The following UGDH variants were observed in gnomAD, a reference collection of about 807,000 sequenced individuals.
The protein encoded by UGDH is UDP-glucose 6-dehydrogenase, also known as UDP-Glc dehydrogenase.
Under a neutral mutation model 50.6 loss-of-function variants are expected in UGDH, and 38 were observed. That is an observed-to-expected ratio of 0.75 (90% CI 0.58 to 0.98). The LOEUF is 0.98. Ranked by LOEUF, UGDH falls within the 50% of genes least tolerant of loss-of-function variation. The pLI is 0.00. For missense variants in UGDH, 465 were observed against 606.2 expected (o/e 0.77, Z 2.45); for synonymous variants, 168 against 199.9 (o/e 0.84, Z 1.35).
chr4:39,504,579 T>G, intron 9 of UGDH, 71 bp from the exon 10 acceptor site: 1 of 1,323,988 alleles, frequency 7.6e-7, no homozygotes, highest in Admixed American at 2.0e-5. Context: ...AGTTCCCCCC[T>G]TATCTGCAGG....
At chr4:39,514,031 T>G in intron 3 of UGDH, 52 bp downstream of exon 3, 2 of 1,428,212 alleles carry the variant, frequency 1.4e-6, no homozygotes, top group East Asian at 2.3e-5. Flanking sequence ...TGATGAAACT[T>G]TTATATAGAC....
intron 1 of UGDH, among the ~76,000 whole-genome samples, chr4:39,525,608 G>A (rs1369770439): frequency 1.3e-5 from 2 of 150,822 alleles, no homozygotes; most frequent in East Asian, 3.9e-4. Context: ...CCAGGTTCAT[G>A]CCATTCTCCT....
In UGDH at chr4:39,505,377, G is replaced by GA. The variant is rs33942301; in HGVS notation, c.1038-8dup. ...ATATATACTAGAAGATTCTCTATAG[G>GA]AAAAAAAAAATCAGTATTGGTAAGC... On this transcript the variant is annotated splice_polypyrimidine_tract_variant and splice_region_variant and intron_variant, in intron 8 of 11. Coordinates refer to ENST00000316423, the MANE Select transcript of UGDH (RefSeq NM_003359.4). The GA allele has an allele frequency of 7.0e-3, 10,041 of 1,432,578 alleles. 16 individuals carry two copies. The highest frequency in any genetic ancestry group is 7.7e-3 in the Non-Finnish European group (8,292 of 1,073,722). The allele number at this position is 1,432,578 out of a possible 1,614,324, so 88.7% of individuals were successfully genotyped here. A position where few individuals can be genotyped will look rare whatever the true frequency, so the allele number is the denominator to read the frequency against.
chr4:39,521,226 G>C lies in UGDH; in HGVS notation c.162+125C>G, dbSNP rs888770582. 5 of 1,013,452 alleles carry C rather than the reference G, an allele frequency of 4.9e-6. No individual in the cohort carries two copies. In the South Asian group the frequency reaches 8.8e-5, roughly 18 times the overall value. 62.8% of individuals were successfully genotyped at this position (1,013,452 alleles called of 1,614,324 possible). ...TTAATGTCCATGTGTTTTGTATCCAGATTTTTTTCATTTAATTTCTTACCA... is the reference window on the plus strand; with the variant it reads ...TTAATGTCCATGTGTTTTGTATCCACATTTTTTTCATTTAATTTCTTACCA... On this transcript the variant is annotated intron_variant, in intron 2 of 11. Transcript: ENST00000316423.
At chr4:39,514,257 T>C (rs1028154104) in intron 2 of UGDH, 73 bp from the exon 3 acceptor site, 1 of 1,165,194 alleles carries the variant, frequency 8.6e-7, no homozygotes, top group African/African-American at 1.6e-5. Flanking sequence ...AGTATAGAAT[T>C]ACATTTGTTA....
intron 10 of UGDH, among the ~76,000 whole-genome samples, 153 bp downstream of exon 10, chr4:39,504,264 C>T (rs1205871023): frequency 5.9e-5 from 9 of 151,576 alleles, no homozygotes; most frequent in Non-Finnish European, 1.0e-4. Flanking sequence ...GCCGAGATTG[C>T]GCCACTGCAC....
intron 2 of UGDH, among the ~76,000 whole-genome samples, chr4:39,516,892 TCTC>T (rs1746458299): frequency 6.6e-6 from 1 of 152,138 alleles, no homozygotes; most frequent in Non-Finnish European, 1.5e-5. Flanking sequence ...CTGTGTATAA[TCTC>T]CTAATATTTA....
At chr4:39,514,618 A>T (rs1423003610) in intron 2 of UGDH, among the ~76,000 whole-genome samples, 1 of 151,934 alleles carries the variant, frequency 6.6e-6, no homozygotes, top group Non-Finnish European at 1.5e-5. Flanking sequence ...CAATCCTCCC[A>T]TCTCAGCTTC....
At chr4:39,508,957 T>G (rs1746129077) in intron 6 of UGDH, among the ~76,000 whole-genome samples, 2 of 145,462 alleles carry the variant, frequency 1.4e-5, no homozygotes, top group Admixed American at 7.1e-5. Flanking sequence ...TGCCCCACAT[T>G]CTTTAGCACA....
At position 39,508,633 on chromosome 4, in the gene UGDH, TC is replaced by T. The variant is rs1464916880; in HGVS notation, c.838del (p.Asp280MetfsTer3). 1 of 1,603,100 alleles carries T rather than the reference TC, an allele frequency of 6.2e-7. No homozygotes were observed. The highest frequency in any genetic ancestry group is 8.5e-7 in the Non-Finnish European group (1 of 1,177,114). ...ACAGAGATAAACCAAATTCAGAACATCCTTTTGGAAACAGCTCCCACCAAAC... is the reference window on the plus strand; with the variant it reads ...ACAGAGATAAACCAAATTCAGAACATCTTTTGGAAACAGCTCCCACCAAAC... ...VGFGGSCFQK[D>X]VLNLVYLCEA... On this transcript the variant is annotated frameshift_variant, in exon 7 of 12. Coordinates refer to ENST00000316423, the MANE Select transcript of UGDH (RefSeq NM_003359.4). LOFTEE classifies it high-confidence loss of function.
intron 11 of UGDH, among the ~76,000 whole-genome samples, chr4:39,503,091 A>G (rs569478482): frequency 6.6e-6 from 1 of 152,116 alleles, no homozygotes; most frequent in East Asian, 1.9e-4. Flanking sequence ...TAATTTTTGT[A>G]TTTTTAGTAG....
rs546510812 is a variant in UGDH, at chr4:39,509,960, A to G, written c.664-53T>C. 73 of 1,539,690 alleles carry G rather than the reference A, an allele frequency of 4.7e-5. No individual in the cohort carries two copies. In the East Asian group the frequency reaches 1.5e-3, roughly 31 times the overall value. On this transcript the variant is annotated intron_variant, in intron 5 of 11. Coordinates refer to ENST00000316423, the MANE Select transcript of UGDH (RefSeq NM_003359.4). ...TAAGATAAGCTAAAACAGCAATTTT[A>G]TACATCTAGTTTATATTTCATTGCG...
chr4:39,509,494 G>A (rs1406591252), intron 6 of UGDH, among the ~76,000 whole-genome samples: 1 of 152,154 alleles, frequency 6.6e-6, no homozygotes, highest in Non-Finnish European at 1.5e-5. Context: ...GCCATAGTTT[G>A]CCCACCCTTG....
At chr4:39,521,069 C>CAA (rs1179305904) in intron 2 of UGDH, among the ~76,000 whole-genome samples, 35 of 79,864 alleles carry the variant, frequency 4.4e-4, no homozygotes, top group East Asian at 6.0e-4. Flanking sequence ...GACTCCGTCT[C>CAA]AAAAAAAAAA....
intron 2 of UGDH, among the ~76,000 whole-genome samples, chr4:39,514,419 G>C (rs1746367118): frequency 6.6e-6 from 1 of 152,174 alleles, no homozygotes. Context: ...CTGGAGTGCA[G>C]TGGTGCAATC....
At chr4:39,504,560 C>A in intron 9 of UGDH, 52 bp from the exon 10 acceptor site, 2 of 1,484,526 alleles carry the variant, frequency 1.3e-6, no homozygotes, top group Non-Finnish European at 1.9e-6. Context: ...AGTTATATGA[C>A]ATTACAGTAG....
Position 39,505,307 on chromosome 4 carries a change from A to G in UGDH, c.1101T>C (p.Tyr367=). ...LMDEGAHLHI[Y]DPKVPREQIV... ...TTTGTTCCCTAGGTACTTTTGGATC[A>G]TATATATGTAGATGTGCACCTTCAT... Residue 367 remains tyrosine, a synonymous_variant, in exon 9 of 12, where the codon TAT becomes TAC. Coordinates refer to ENST00000316423, the MANE Select transcript of UGDH (RefSeq NM_003359.4). 6.2e-7 allele frequency: 1 copy of G among 1,601,940 alleles called. No individual in the cohort carries two copies. The highest frequency in any genetic ancestry group is 8.5e-7 in the Non-Finnish European group (1 of 1,175,554).
intron 1 of UGDH, 58 bp downstream of exon 1, chr4:39,527,225 G>A: frequency 2.2e-6 from 2 of 909,744 alleles, no homozygotes; most frequent in South Asian, 3.0e-5. Flanking sequence ...TCCACATCCC[G>A]CCCAGACCTG....
intron 2 of UGDH, among the ~76,000 whole-genome samples, chr4:39,520,773 A>C (rs965908811): frequency 2.0e-5 from 3 of 151,870 alleles, no homozygotes; most frequent in African/African-American, 7.2e-5. Context: ...AACAGACAAA[A>C]TTAGGAAACA....
Sources: gnomAD v4.1 joint callset for allele counts (sites outside exome capture counted in the v4.1 genomes callset) on GRCh38, gnomAD v4.1.1 for gene constraint, MANE v1.5 for transcripts, NCBI Gene and HGNC (gene_info 2026-07-23, HGNC 2026-07-21) for gene names.